The following FRY variants were observed in gnomAD, a reference collection of about 807,000 sequenced individuals.
The protein encoded by FRY is FRY microtubule binding protein, also known as protein furry homolog.
In FRY, 128 loss-of-function variants were observed where a neutral mutation model predicts 348.4. The ratio of observed to expected loss-of-function variants is 0.37; its 90% CI spans 0.32 to 0.43. The LOEUF is 0.43. Among genes scored for constraint, FRY ranks in the 20% least tolerant of loss-of-function variants. The pLI is 1.00. For missense variants in FRY, 2,736 were observed against 3,695.2 expected (o/e 0.74, Z 6.73); for synonymous variants, 1,370 against 1,374.7 (o/e 1.00, Z 0.08).
chr13:32,124,030 G>A (rs1878866206), intron 4 of FRY, among the ~76,000 whole-genome samples: 1 of 152,048 alleles, frequency 6.6e-6, no homozygotes, highest in South Asian at 2.1e-4. Flanking sequence ...CAGGGACGGG[G>A]TTTCACCATG....
intron 46 of FRY, among the ~76,000 whole-genome samples, chr13:32,240,753 C>T (rs1241402926): frequency 2.0e-5 from 3 of 152,218 alleles, no homozygotes; most frequent in Admixed American, 6.5e-5. Context: ...TTGTGATACG[C>T]ATTCATAGCT....
chr13:32,178,792 A>G (rs376156543), intron 21 of FRY, 52 bp from the exon 22 acceptor site: 2 of 1,196,602 alleles, frequency 1.7e-6, no homozygotes, highest in African/African-American at 3.0e-5. Context: ...AATAAGTGAT[A>G]TTTAAAATCC....
chr13:32,112,256 T>A (rs530894220), intron 3 of FRY, among the ~76,000 whole-genome samples: 79 of 152,294 alleles, frequency 5.2e-4, no homozygotes, highest in Admixed American at 3.3e-3. Flanking sequence ...CTTTTTTTTT[T>A]AATGCTCCTC....
chr13:32,171,225 A>G lies in FRY; in HGVS notation c.2106A>G (p.Thr702=), dbSNP rs749828063. The G allele has an allele frequency of 2.9e-5, 47 of 1,613,632 alleles. No homozygotes were observed. The highest frequency in any genetic ancestry group is 3.8e-5 in the Non-Finnish European group (45 of 1,179,808). The change falls in exon 18 of 61, where the codon ACA becomes ACG. Residue 702 remains threonine (T), a synonymous_variant. Coordinates refer to ENST00000542859, the MANE Select transcript of FRY (RefSeq NM_023037.3). The stretch of plus-strand genomic sequence containing the variant: ...CCCAGTGGAAACTAGTCATCCAGAC[A>G]CAAGGAAAAGTCTATGAACAAGCCA... The part of the protein sequence containing the change: ...LLTQWKLVIQ[T]QGKVYEQANK...
chr13:32,081,054 C>T (rs1408009346), intron 2 of FRY, among the ~76,000 whole-genome samples: 2 of 152,146 alleles, frequency 1.3e-5, no homozygotes, highest in Non-Finnish European at 2.9e-5. Flanking sequence ...AATTTGTTTG[C>T]GTGGAGTTTG....
At chr13:32,253,794 C>T (rs566521076) in intron 50 of FRY, among the ~76,000 whole-genome samples, 2 of 152,252 alleles carry the variant, frequency 1.3e-5, no homozygotes, top group African/African-American at 4.8e-5. Flanking sequence ...TTCCCACATT[C>T]ATTCTACAAT....
At chr13:32,135,323 A>C in intron 10 of FRY, 140 bp downstream of exon 10, 1 of 678,300 alleles carries the variant, frequency 1.5e-6, no homozygotes, top group South Asian at 1.6e-5. Flanking sequence ...GCAGCATTTG[A>C]AACTGAAGCT....
chr13:32,294,551 C>A lies in FRY; in HGVS notation c.8764C>A (p.Arg2922=). ...LKNNELGKAL[R]QIRECRSLWP... is the part of the protein sequence containing the mutation. ...GAACAACGAACTCGGCAAAGCTTTG[C>A]GGCAGATCAGGGAGTGCAGGTGACT... The change falls in exon 60 of 61, where the codon CGG becomes AGG. Residue 2922 remains arginine, a synonymous_variant. Transcript: ENST00000542859. 1 of 1,613,782 alleles carries A rather than the reference C, an allele frequency of 6.2e-7. No individual in the cohort carries two copies. The highest frequency in any genetic ancestry group is 8.5e-7 in the Non-Finnish European group (1 of 1,179,706).
chr13:32,273,276 C>T (rs1409115226), intron 55 of FRY, among the ~76,000 whole-genome samples: 25 of 144,838 alleles, frequency 1.7e-4, no homozygotes, highest in Non-Finnish European at 3.3e-4. Context: ...GGCTGGAGTG[C>T]AGTGGCGCAA....
chr13:32,267,197 TC>T lies in FRY; in HGVS notation c.7979del (p.Pro2660LeufsTer62). The T allele has an allele frequency of 6.2e-7, 1 of 1,612,154 alleles. No homozygotes were observed. Among genetic ancestry groups the T allele is most frequent in the Non-Finnish European group, 8.5e-7 (1 of 1,178,504 alleles). On this transcript the variant is annotated frameshift_variant, in exon 55 of 61. Coordinates refer to ENST00000542859, the MANE Select transcript of FRY (RefSeq NM_023037.3). LOFTEE classifies it high-confidence loss of function. ...TTGGAGAAGGTGACAGGGGAGTCTC[TC>T]CCCCTCCCTCGCCCTTCTTCTCAGC... The part of the protein sequence containing the change: ...SFGEGDRGVS[P>X]PPSPFFSAIL...
chr13:32,173,531 T>G lies in FRY; in HGVS notation c.2316T>G (p.Ile772Met). ...LILKEIRALFIALGQPEDDDR... is the reference protein window; with the variant it reads ...LILKEIRALFMALGQPEDDDR... ...TCAAGGAAATTCGAGCGTTGTTTAT[T>G]GCCCTGGGGCAGCCTGAGGTATGGA... Residue 772 changes from isoleucine to methionine, a missense_variant, in exon 19 of 61, where the codon ATT becomes ATG. Ile to Met is a conservative substitution (Grantham distance 10, BLOSUM62 1). Around this residue, in one of 9 missense-constraint regions of FRY, gnomAD observed 449 missense variants for 576.9 expected, o/e 0.78. Transcript: ENST00000542859. 2 of 1,613,520 alleles carry G rather than the reference T, an allele frequency of 1.2e-6. No homozygotes were observed. The highest frequency in any genetic ancestry group is 2.2e-5 in the South Asian group (2 of 91,060).
rs114688626 is a variant in FRY, at chr13:32,059,332, A to G, written c.71-19502A>G. On this transcript the variant is annotated intron_variant, in intron 1 of 60. Transcript: ENST00000542859. ...GGTCTGGACTCCAATTTATTTATTT[A>G]TTTGTTTATAATCAACATGGATTTA... 6.2e-3 allele frequency among the ~76,000 whole-genome samples: 945 copies of G among 151,780 alleles called. 14 individuals are homozygous for G. Among genetic ancestry groups the G allele is most frequent in the African/African-American group, 0.022 (907 of 41,380 alleles).
chr13:32,091,247 G>A (rs1469673406), intron 2 of FRY, among the ~76,000 whole-genome samples: 1 of 152,176 alleles, frequency 6.6e-6, no homozygotes. Flanking sequence ...ACTGAGGCAG[G>A]TTATCAAGGG....
At chr13:32,052,324 C>T (rs1044548700) in intron 1 of FRY, among the ~76,000 whole-genome samples, 2 of 152,194 alleles carry the variant, frequency 1.3e-5, no homozygotes, top group African/African-American at 4.8e-5. Context: ...AAAGACACAA[C>T]ACTAGCTTTT....
rs1017162131 is a variant in FRY, at chr13:32,239,838, C to T, written c.6644C>T (p.Ala2215Val). The T allele has an allele frequency of 6.2e-7, 1 of 1,614,070 alleles. No homozygotes were observed. The change falls in exon 46 of 61, where the codon GCA becomes GTA. Residue 2215 changes from alanine to valine, a missense_variant. By Grantham distance (64) the Ala-to-Val change is moderately conservative. Coordinates refer to ENST00000542859, the MANE Select transcript of FRY (RefSeq NM_023037.3). This position sits in a 1 kb window ranked among gnomAD's most constrained non-coding sequence, Gnocchi z 4.3. ...GTGGTCTGTCGATACCTTCATGAAG[C>T]ATATGCTGACATTACCTTGAATATG... ...VNVVCRYLHEAYADITLNMVT... is the reference protein window; with the variant it reads ...VNVVCRYLHEVYADITLNMVT...
intron 42 of FRY, among the ~76,000 whole-genome samples, chr13:32,235,801 C>T (rs34925559): frequency 0.054 from 8,287 of 152,128 alleles, 641 homozygotes; most frequent in East Asian, 0.26. Flanking sequence ...AATGCCCACC[C>T]TCCCCTCAGC....
intron 2 of FRY, among the ~76,000 whole-genome samples, chr13:32,081,965 C>A (rs890667343): frequency 4.6e-5 from 7 of 152,234 alleles, no homozygotes; most frequent in Non-Finnish European, 8.8e-5. Flanking sequence ...GGGTTTGTAT[C>A]AAATCACAAA....
At chr13:32,287,539 A>G (rs1338373802) in intron 58 of FRY, among the ~76,000 whole-genome samples, 1 of 152,252 alleles carries the variant, frequency 6.6e-6, no homozygotes, top group Non-Finnish European at 1.5e-5. Flanking sequence ...ATGCACACTT[A>G]TACGCTAAAA....
At position 32,239,839 on chromosome 13, in the gene FRY, A is replaced by T. The variant is rs761834432; in HGVS notation, c.6645A>T (p.Ala2215=). ...VNVVCRYLHE[A]YADITLNMVT... ...TGGTCTGTCGATACCTTCATGAAGCATATGCTGACATTACCTTGAATATGG... is the reference window on the plus strand; with the variant it reads ...TGGTCTGTCGATACCTTCATGAAGCTTATGCTGACATTACCTTGAATATGG... The change falls in exon 46 of 61, where the codon GCA becomes GCT. Residue 2215 remains alanine (A), a synonymous_variant. Transcript: ENST00000542859. The surrounding 1 kb of genome is among the most constrained non-coding windows in gnomAD (Gnocchi z 4.3). The T allele has an allele frequency of 1.9e-6, 3 of 1,614,088 alleles. No individual in the cohort carries two copies. Among genetic ancestry groups the T allele is most frequent in the Non-Finnish European group, 2.5e-6 (3 of 1,180,006 alleles).
Sources: allele counts gnomAD v4.1 joint callset (sites outside exome capture counted in the v4.1 genomes callset), GRCh38; gene constraint gnomAD v4.1.1; regional missense constraint gnomAD v4.1.1; non-coding constraint Gnocchi (gnomAD v3.1); transcripts MANE v1.5; gene names NCBI Gene and HGNC (gene_info 2026-07-23, HGNC 2026-07-21).